The following MBNL1 variants were observed in gnomAD, a reference collection of about 807,000 sequenced individuals.
MBNL1 encodes the protein muscleblind-like protein 1.
A neutral mutation model predicts 42.2 loss-of-function variants in MBNL1; 8 were observed. The observed-to-expected ratio is 0.19, with a 90% CI of 0.11 to 0.34. The LOEUF (loss-of-function observed/expected upper bound fraction) is 0.34. MBNL1 is among the 10% of genes least tolerant of loss of function. The pLI, the probability that MBNL1 is intolerant of heterozygous loss-of-function variation, is 1.00. For synonymous variants in MBNL1, 169 were observed against 173.9 expected, an observed-to-expected ratio of 0.97 and a Z score of 0.22; for missense variants, 309 against 495.3, an observed-to-expected ratio of 0.62 and a Z score of 3.57.
At chr3:152,371,911 A>C (rs1341493745) in intron 2 of MBNL1, among the ~76,000 whole-genome samples, 1 of 151,866 alleles carries the variant, frequency 6.6e-6, no homozygotes, top group African/African-American at 2.4e-5. Flanking sequence ...ACTTGGTTCC[A>C]TTCTCCCCAT....
intron 2 of MBNL1, among the ~76,000 whole-genome samples, chr3:152,364,938 G>T (rs1175462878): frequency 4.6e-5 from 7 of 151,722 alleles, no homozygotes; most frequent in African/African-American, 1.5e-4. Context: ...ACTAGCAGCT[G>T]CATGAAAATG....
At chr3:152,395,145 T>C (rs2097874761) in intron 2 of MBNL1, among the ~76,000 whole-genome samples, 1 of 152,164 alleles carries the variant, frequency 6.6e-6, no homozygotes, top group Non-Finnish European at 1.5e-5. Flanking sequence ...AGGTGTGAGC[T>C]ACCGTGCCCG....
At chr3:152,334,721 G>A (rs1263710112) in intron 2 of MBNL1, among the ~76,000 whole-genome samples, 2 of 152,056 alleles carry the variant, frequency 1.3e-5, no homozygotes, top group Admixed American at 1.3e-4. Flanking sequence ...GGAAATTTTA[G>A]GGCAATTATT....
intron 2 of MBNL1, among the ~76,000 whole-genome samples, chr3:152,403,087 A>G (rs2098296535): frequency 6.6e-6 from 1 of 152,086 alleles, no homozygotes; most frequent in African/African-American, 2.4e-5. Flanking sequence ...ACCCGAGCAG[A>G]GTGTTTAGCA....
intron 2 of MBNL1, among the ~76,000 whole-genome samples, chr3:152,355,484 T>C (rs1418718335): frequency 6.6e-6 from 1 of 152,224 alleles, no homozygotes; most frequent in Non-Finnish European, 1.5e-5. Flanking sequence ...TTTGGTTTAT[T>C]ACTGTGTATT....
chr3:152,286,868 A>G (rs1213118529), intron 1 of MBNL1, among the ~76,000 whole-genome samples: 1 of 152,098 alleles, frequency 6.6e-6, no homozygotes, highest in Non-Finnish European at 1.5e-5. Context: ...TTGCATGCTA[A>G]GTTGTAGTGA....
Position 152,368,376 on chromosome 3 carries a change from G to C in MBNL1, c.175-46565G>C, listed in dbSNP as rs2096518504. On this transcript the variant is annotated intron_variant, in intron 2 of 9. Transcript: ENST00000324210. ...TTCTGTTCCATTGGTCTATATATCT[G>C]TTTTGCTAGCAGTACCATGCTGTTT... 1.3e-5 allele frequency among the ~76,000 whole-genome samples: 2 copies of C among 152,128 alleles called. 1 individual carries two copies. The highest frequency in any genetic ancestry group is 4.1e-4 in the South Asian group (2 of 4,832).
intron 1 of MBNL1, among the ~76,000 whole-genome samples, chr3:152,290,030 C>CT (rs1028980025): frequency 2.0e-5 from 3 of 151,880 alleles, no homozygotes; most frequent in African/African-American, 7.3e-5. Flanking sequence ...TTTTTCTATA[C>CT]TTTTTTTCAT....
In MBNL1 at chr3:152,363,079, CATA is replaced by C. The variant is rs1195461426; in HGVS notation, c.175-51855_175-51853del. On this transcript the variant is annotated intron_variant, in intron 2 of 9. Transcript: ENST00000324210. ...TCTATTTAAAAATTCTATGTTTTGA[CATA>C]ATAATAGGAGAAATAGAATTGCATA... 5.9e-5 allele frequency among the ~76,000 whole-genome samples: 9 copies of C among 151,958 alleles called. No individual in the cohort carries two copies. In the East Asian group the frequency reaches 9.6e-4, roughly 16 times the overall value.
At chr3:152,448,934 G>A (rs1362140493) in intron 6 of MBNL1, among the ~76,000 whole-genome samples, 3 of 152,152 alleles carry the variant, frequency 2.0e-5, no homozygotes, top group Non-Finnish European at 4.4e-5. Flanking sequence ...ATTTGTACTT[G>A]TGAAATAGTA....
chr3:152,335,228 C>T (rs1233611301), intron 2 of MBNL1: 2 of 1,289,740 alleles, frequency 1.6e-6, no homozygotes, highest in Non-Finnish European at 2.0e-6. Context: ...CTAATGGATG[C>T]TGGTGAGTGA....
At chr3:152,425,609 GAA>G (rs377009317) in intron 3 of MBNL1, among the ~76,000 whole-genome samples, 1 of 133,428 alleles carries the variant, frequency 7.5e-6, no homozygotes. Context: ...ATCTGTCTCA[GAA>G]AAAAAAAAAA....
At chr3:152,402,556 A>G (rs1446347204) in intron 2 of MBNL1, among the ~76,000 whole-genome samples, 5 of 152,196 alleles carry the variant, frequency 3.3e-5, no homozygotes, top group Admixed American at 3.3e-4. Context: ...TGTGTATATG[A>G]GAAGCTTACA....
chr3:152,333,154 C>T (rs899634830), intron 2 of MBNL1, among the ~76,000 whole-genome samples: 3 of 152,120 alleles, frequency 2.0e-5, no homozygotes, highest in Non-Finnish European at 2.9e-5. Context: ...TTATTGGCAA[C>T]AATGGTAATC....
At chr3:152,300,417 G>T in intron 2 of MBNL1, 50 bp downstream of exon 2, 1 of 1,448,010 alleles carries the variant, frequency 6.9e-7, no homozygotes, top group Non-Finnish European at 9.6e-7. Context: ...TGAATGAGGG[G>T]TATATGGACA....
At chr3:152,323,327 A>G (rs1399383781) in intron 2 of MBNL1, among the ~76,000 whole-genome samples, 1 of 152,118 alleles carries the variant, frequency 6.6e-6, no homozygotes, top group Non-Finnish European at 1.5e-5. Flanking sequence ...ATATTGTTAA[A>G]TAACCTAAAG....
rs146397862 is a variant in MBNL1 at position 152,456,298 on chromosome 3, T to C, written c.1029T>C (p.Thr343=). The C allele has an allele frequency of 1.2e-6, 2 of 1,613,992 alleles. No individual in the cohort carries two copies. Among genetic ancestry groups the C allele is most frequent in the Non-Finnish European group, 1.7e-6 (2 of 1,179,862 alleles). ...TGGTGCACGGTGCTACGCCAGCCAC[T>C]GTGTCCGCAGCAACAACATCTGCCA... The part of the protein sequence containing the change: ...VPMVHGATPA[T]VSAATTSATS... The change falls in exon 8 of 10, where the codon ACT becomes ACC. Residue 343 remains threonine, a synonymous_variant. Transcript: ENST00000324210.
intron 2 of MBNL1, among the ~76,000 whole-genome samples, chr3:152,389,965 T>A (rs968114867): frequency 1.3e-5 from 2 of 151,980 alleles, no homozygotes; most frequent in Non-Finnish European, 2.9e-5. Flanking sequence ...AACATATGCC[T>A]CCCGGGTTCA....
chr3:152,307,286 G>A (rs993452222), intron 2 of MBNL1, among the ~76,000 whole-genome samples: 1 of 152,124 alleles, frequency 6.6e-6, no homozygotes, highest in Non-Finnish European at 1.5e-5. Context: ...ACCGCGCCCA[G>A]CCTACTATTC....
Sources: allele counts gnomAD v4.1 joint callset (sites outside exome capture counted in the v4.1 genomes callset), GRCh38; gene constraint gnomAD v4.1.1; transcripts MANE v1.5; gene names NCBI Gene and HGNC (gene_info 2026-07-23, HGNC 2026-07-21).